KCNK2: variants seen among roughly 807,000 people sequenced by gnomAD.
KCNK2 encodes potassium channel subfamily K member 2.
KCNK2 carries 21 observed loss-of-function variants against 40.5 expected under a neutral mutation model. That is an observed-to-expected ratio of 0.52 (90% CI 0.37 to 0.75). KCNK2 has a LOEUF of 0.75. KCNK2 is among the 30% of genes least tolerant of loss of function. KCNK2 has a pLI of 0.00. For missense variants in KCNK2, 399 were observed against 531.6 expected (o/e 0.75, Z 2.45); for synonymous variants, 191 against 202.2 (o/e 0.94, Z 0.47).
chr1:215,216,314 C>T (rs1056983297), intron 6 of KCNK2, among the ~76,000 whole-genome samples: 1 of 149,992 alleles, frequency 6.7e-6, no homozygotes, highest in Non-Finnish European at 1.5e-5. Context: ...TGTGGACTAG[C>T]ACTTCATAAA....
intron 3 of KCNK2, among the ~76,000 whole-genome samples, chr1:215,152,074 C>G (rs1662707609): frequency 6.6e-6 from 1 of 152,096 alleles, no homozygotes; most frequent in Non-Finnish European, 1.5e-5. Context: ...ACTCCTCACT[C>G]CTCATTTATC....
chr1:215,007,019 A>G (rs868097973), intron 1 of KCNK2, among the ~76,000 whole-genome samples: 1,146 of 24,312 alleles, frequency 0.047, 58 homozygotes, highest in African/African-American at 0.085. Flanking sequence ...ATATATATAT[A>G]TATATATATA....
intron 1 of KCNK2, among the ~76,000 whole-genome samples, chr1:215,039,663 A>AT (rs1558065637): frequency 6.6e-6 from 1 of 152,070 alleles, no homozygotes. Context: ...ACCAAACACA[A>AT]TTTTTTTAAT....
chr1:215,018,631 T>C (rs1656674698), intron 1 of KCNK2, among the ~76,000 whole-genome samples: 1 of 152,052 alleles, frequency 6.6e-6, no homozygotes. Context: ...ATGTGCACAG[T>C]ATGAAGATGG....
At chr1:215,154,377 G>C (rs1662817597) in intron 3 of KCNK2, among the ~76,000 whole-genome samples, 1 of 151,780 alleles carries the variant, frequency 6.6e-6, no homozygotes, top group East Asian at 1.9e-4. Context: ...ATGTGTGTTA[G>C]CTGTATAAAT....
At chr1:215,055,395 C>T (rs141598993) in intron 1 of KCNK2, among the ~76,000 whole-genome samples, 3 of 152,300 alleles carry the variant, frequency 2.0e-5, no homozygotes, top group East Asian at 3.9e-4. Context: ...AGGAATGTTG[C>T]ACTGCTCATT....
chr1:215,046,702 C>T lies in KCNK2; in HGVS notation c.35-39666C>T, dbSNP rs992727449. On this transcript the variant is annotated intron_variant, in intron 1 of 6. Transcript: ENST00000391895. The stretch of plus-strand genomic sequence containing the variant: ...TCCTCTTATGTAAAATTTAGAAAAA[C>T]AGAAATAACATGACTTAAAGACTGA... Among the ~76,000 whole-genome samples the T allele has an allele frequency of 2.0e-5, 3 of 151,916 alleles. No individual in the cohort carries two copies. The South Asian group carries it at 6.2e-4, about 32-fold the overall frequency.
intron 1 of KCNK2, among the ~76,000 whole-genome samples, chr1:215,007,515 G>A (rs1298024881): frequency 6.6e-6 from 1 of 151,948 alleles, no homozygotes; most frequent in East Asian, 1.9e-4. Context: ...GGAGAGGTTA[G>A]GTCAAGCTAC....
At chr1:215,231,128 A>G (rs919408053) in intron 6 of KCNK2, among the ~76,000 whole-genome samples, 1 of 152,168 alleles carries the variant, frequency 6.6e-6, no homozygotes, top group African/African-American at 2.4e-5. Flanking sequence ...CAAGTCTAAG[A>G]AAGGTTTTCA....
At position 215,093,343 on chromosome 1, in the gene KCNK2, C is replaced by CAT. The variant is rs1001738513; in HGVS notation, c.357+6673_357+6674dup. On this transcript the variant is annotated intron_variant, in intron 2 of 6. Transcript: ENST00000444842. Reference sequence around the variant, plus strand: ...AATATATATACATATATTAAATATACATATATATAAAATATACATATATTA... The same window carrying CAT: ...AATATATATACATATATTAAATATACATATATATATAAAATATACATATATTA... Among the ~76,000 whole-genome samples, 400 of 139,544 alleles carry CAT rather than the reference C, an allele frequency of 2.9e-3. 1 individual carries two copies. The highest frequency in any genetic ancestry group is 9.0e-3 in the African/African-American group (340 of 37,636). The allele number at this position is 139,544 out of a possible 152,430, so 91.5% of individuals were successfully genotyped here. A position where few individuals can be genotyped will look rare whatever the true frequency, so the allele number is the denominator to read the frequency against.
chr1:215,156,536 T>C (rs2102618895), intron 3 of KCNK2, among the ~76,000 whole-genome samples: 1 of 152,310 alleles, frequency 6.6e-6, no homozygotes, highest in South Asian at 2.1e-4. Flanking sequence ...GGGAAAAAGA[T>C]CTAAATTACA....
chr1:215,116,850 A>C (rs1330119301), intron 2 of KCNK2, among the ~76,000 whole-genome samples: 3 of 151,890 alleles, frequency 2.0e-5, no homozygotes, highest in African/African-American at 7.2e-5. Context: ...TCTTCCTTAC[A>C]AAATATGCTG....
At chr1:215,039,431 A>T (rs1657492018) in intron 1 of KCNK2, among the ~76,000 whole-genome samples, 1 of 152,144 alleles carries the variant, frequency 6.6e-6, no homozygotes, top group Admixed American at 6.6e-5. Flanking sequence ...TTTTGCAATA[A>T]ACCCCATCTA....
At chr1:215,153,023 C>G (rs1431551947) in intron 3 of KCNK2, among the ~76,000 whole-genome samples, 1 of 152,164 alleles carries the variant, frequency 6.6e-6, no homozygotes, top group African/African-American at 2.4e-5. Flanking sequence ...AAATAGAACT[C>G]TTCAATCCAG....
At chr1:215,135,771 G>A (rs1490837039) in intron 3 of KCNK2, among the ~76,000 whole-genome samples, 1 of 152,050 alleles carries the variant, frequency 6.6e-6, no homozygotes, top group Non-Finnish European at 1.5e-5. Flanking sequence ...GTCTTGCTCT[G>A]TCACCCAGGC....
chr1:215,061,757 T>TA (rs1658369153), intron 1 of KCNK2, among the ~76,000 whole-genome samples: 1 of 151,932 alleles, frequency 6.6e-6, no homozygotes, highest in African/African-American at 2.4e-5. Flanking sequence ...ACATTTTTTT[T>TA]TAAAAAAAAT....
At chr1:215,090,133 AT>A (rs1659631720) in intron 2 of KCNK2, among the ~76,000 whole-genome samples, 1 of 152,108 alleles carries the variant, frequency 6.6e-6, no homozygotes, top group Admixed American at 6.5e-5. Context: ...GCCTGTTTAA[AT>A]TTTAAGAGCC....
chr1:215,044,795 A>ATG (rs150179184), intron 1 of KCNK2, among the ~76,000 whole-genome samples: 2,493 of 145,662 alleles, frequency 0.017, 58 homozygotes, highest in African/African-American at 0.057. Flanking sequence ...GGATAAGTGT[A>ATG]TGTGTGTGTG....
chr1:215,049,360 GT>G (rs1657899772), intron 1 of KCNK2, among the ~76,000 whole-genome samples: 1 of 152,066 alleles, frequency 6.6e-6, no homozygotes, highest in African/African-American at 2.4e-5. Context: ...TGTTTACACT[GT>G]TTTGAGAGAT....
Sources: gnomAD v4.1 joint callset for allele counts (sites outside exome capture counted in the v4.1 genomes callset) on GRCh38, gnomAD v4.1.1 for gene constraint, MANE v1.5 for transcripts, NCBI Gene and HGNC (gene_info 2026-07-23, HGNC 2026-07-21) for gene names.